The following PLXDC2 variants were observed in gnomAD, a reference collection of about 807,000 sequenced individuals.
PLXDC2 encodes plexin domain containing 2.
PLXDC2 carries 40 observed loss-of-function variants against 68.9 expected under a neutral mutation model. That is an observed-to-expected ratio of 0.58 (90% confidence interval 0.45 to 0.76). PLXDC2 has a LOEUF of 0.76. PLXDC2 is among the 30% of genes least tolerant of loss of function. PLXDC2 has a pLI of 0.00. For synonymous variants in PLXDC2, 243 were observed against 234.2 expected (o/e 1.04, Z -0.34); for missense variants, 644 against 661.9 (o/e 0.97, Z 0.30).
intron 1 of PLXDC2, among the ~76,000 whole-genome samples, chr10:19,857,997 T>C (rs1475219087): frequency 6.6e-6 from 1 of 152,196 alleles, no homozygotes; most frequent in African/African-American, 2.4e-5. Flanking sequence ...ATAAATATGT[T>C]CTTGAAATTA....
intron 3 of PLXDC2, among the ~76,000 whole-genome samples, chr10:20,050,933 G>A (rs188883329): frequency 6.6e-6 from 1 of 151,988 alleles, no homozygotes; most frequent in African/African-American, 2.4e-5. Context: ...ATACACACAT[G>A]TGAATGTTTA....
intron 4 of PLXDC2, among the ~76,000 whole-genome samples, chr10:20,122,024 C>T (rs1833704614): frequency 2.0e-5 from 3 of 151,456 alleles, no homozygotes; most frequent in Admixed American, 2.0e-4. Context: ...TGGGGGAATA[C>T]AAGAGGAGGA....
intron 9 of PLXDC2, among the ~76,000 whole-genome samples, chr10:20,211,404 T>C (rs1307809418): frequency 6.6e-6 from 1 of 152,144 alleles, no homozygotes; most frequent in Non-Finnish European, 1.5e-5. Flanking sequence ...GGGATCTAGG[T>C]ATTCCGTACA....
In PLXDC2 at chr10:19,958,008, T is replaced by C. The variant is rs7088847; in HGVS notation, c.113-43767T>C. Among the ~76,000 whole-genome samples the C allele has an allele frequency of 4.0e-3, 616 of 152,214 alleles. 3 individuals are homozygous for C. Among genetic ancestry groups the C allele is most frequent in the Middle Eastern group, 0.017 (5 of 294 alleles). ...AAATAGTTAAATTATTCTTTTGAGA[T>C]TGTCTGACTTAGATCTGCATATTCT... On this transcript the variant is annotated intron_variant, in intron 1 of 13. Transcript: ENST00000377252.
intron 13 of PLXDC2, among the ~76,000 whole-genome samples, chr10:20,277,141 G>A (rs561843721): frequency 6.7e-6 from 1 of 148,226 alleles, no homozygotes; most frequent in African/African-American, 2.5e-5. Flanking sequence ...CCCAGGAGGT[G>A]GAGGTTGCAG....
chr10:20,247,772 G>T (rs1486955522), intron 13 of PLXDC2, among the ~76,000 whole-genome samples: 2 of 152,148 alleles, frequency 1.3e-5, no homozygotes, highest in Non-Finnish European at 2.9e-5. Context: ...GAAAAATAGG[G>T]ATTCTGCCAA....
At chr10:20,102,047 C>T (rs537221885) in intron 4 of PLXDC2, among the ~76,000 whole-genome samples, 1 of 152,226 alleles carries the variant, frequency 6.6e-6, no homozygotes, top group African/African-American at 2.4e-5. Flanking sequence ...TTTGATCCTC[C>T]CGCCTCGCCT....
At chr10:19,931,875 G>C (rs1433212940) in intron 1 of PLXDC2, among the ~76,000 whole-genome samples, 1 of 151,940 alleles carries the variant, frequency 6.6e-6, no homozygotes, top group Non-Finnish European at 1.5e-5. Context: ...TATTATTGGA[G>C]CTTCAAGGAT....
chr10:20,185,431 C>T (rs1200189237), intron 9 of PLXDC2, among the ~76,000 whole-genome samples: 2 of 151,906 alleles, frequency 1.3e-5, no homozygotes, highest in East Asian at 1.9e-4. Flanking sequence ...CTTCCATGCT[C>T]ATCCTTCAGG....
At chr10:19,858,125 G>A (rs190917682) in intron 1 of PLXDC2, among the ~76,000 whole-genome samples, 116 of 152,264 alleles carry the variant, frequency 7.6e-4, no homozygotes, top group Non-Finnish European at 1.3e-3. Context: ...AGTGGAAAAA[G>A]GACAGAAGAT....
intron 2 of PLXDC2, among the ~76,000 whole-genome samples, chr10:20,021,710 A>AT (rs893302778): frequency 3.8e-5 from 5 of 131,664 alleles, no homozygotes; most frequent in African/African-American, 5.1e-5. Flanking sequence ...TATTATTTTT[A>AT]TTTTTTTGAG....
chr10:19,976,829 T>C (rs949014064), intron 1 of PLXDC2, among the ~76,000 whole-genome samples: 8 of 152,070 alleles, frequency 5.3e-5, no homozygotes, highest in African/African-American at 1.4e-4. Context: ...TCTTTTATTT[T>C]TTTTTTCATT....
intron 7 of PLXDC2, among the ~76,000 whole-genome samples, chr10:20,173,548 C>T (rs1589665012): frequency 6.6e-6 from 1 of 152,246 alleles, no homozygotes; most frequent in Non-Finnish European, 1.5e-5. Flanking sequence ...CTAAAACATG[C>T]AGTATTTGCA....
chr10:20,112,975 G>A (rs2131750134), intron 4 of PLXDC2, among the ~76,000 whole-genome samples: 1 of 152,306 alleles, frequency 6.6e-6, no homozygotes, highest in East Asian at 1.9e-4. Context: ...TGGAAGAGTA[G>A]TTTGCCAGTG....
At chr10:20,209,485 G>GCACATTGTGCACATGTACCAAAC (rs1564354222) in intron 9 of PLXDC2, among the ~76,000 whole-genome samples, 12 of 151,896 alleles carry the variant, frequency 7.9e-5, no homozygotes, top group Admixed American at 6.6e-4. Context: ...ATGTAACAAA[G>GCACATTGTGCACATGTACCAAAC]TTGCACATTG....
intron 3 of PLXDC2, among the ~76,000 whole-genome samples, chr10:20,064,488 G>T (rs1204059109): frequency 6.6e-6 from 1 of 152,132 alleles, no homozygotes; most frequent in Non-Finnish European, 1.5e-5. Context: ...CCAAAGTGCT[G>T]TGATTTTTTC....
At chr10:20,221,298 G>A (rs969374777) in intron 12 of PLXDC2, among the ~76,000 whole-genome samples, 2 of 139,948 alleles carry the variant, frequency 1.4e-5, no homozygotes, top group African/African-American at 6.5e-5. Flanking sequence ...TTTTCTTAAA[G>A]CAGTGCCTTA....
intron 6 of PLXDC2, among the ~76,000 whole-genome samples, chr10:20,162,474 T>A (rs543775480): frequency 1.3e-5 from 2 of 152,226 alleles, no homozygotes; most frequent in East Asian, 3.9e-4. Context: ...AAGTGACAAA[T>A]GACAGGAACA....
At chr10:19,915,709 T>C (rs1194251117) in intron 1 of PLXDC2, among the ~76,000 whole-genome samples, 1 of 152,090 alleles carries the variant, frequency 6.6e-6, no homozygotes, top group East Asian at 1.9e-4. Context: ...CGTCTCTACC[T>C]TTTGGAATCT....
Sources: gnomAD v4.1 joint callset for allele counts (sites outside exome capture counted in the v4.1 genomes callset) on GRCh38, gnomAD v4.1.1 for gene constraint, MANE v1.5 for transcripts, NCBI Gene and HGNC (gene_info 2026-07-23, HGNC 2026-07-21) for gene names.